Variants in EPHB2 observed in about 807,000 individuals in gnomAD.
EPHB2 encodes the protein EPH receptor B2, also known as ephrin type-B receptor 2.
Under a neutral mutation model 96.4 loss-of-function variants are expected in EPHB2, and 18 were observed. That is an observed-to-expected ratio of 0.19 (90% CI 0.13 to 0.28). The LOEUF (loss-of-function observed/expected upper bound fraction) is 0.28. Among genes scored for constraint, EPHB2 ranks in the 10% least tolerant of loss-of-function variants. The pLI, the probability that EPHB2 is intolerant of heterozygous loss-of-function variation, is 1.00. For synonymous variants in EPHB2, 506 were observed against 534.1 expected, an observed-to-expected ratio of 0.95 and a Z score of 0.72; for missense variants, 989 against 1,355.4, an observed-to-expected ratio of 0.73 and a Z score of 4.25.
At position 22,775,264 on chromosome 1, in the gene EPHB2, C is replaced by T. The variant is rs1242750227; in HGVS notation, c.62-6157C>T. On this transcript the variant is annotated intron_variant, in intron 1 of 15. Transcript: ENST00000374630. Reference sequence around the variant, plus strand: ...ATGCAGGTTGGTTCTCCTGTCTGGCCTCAGTTTCCTCGTCTGTGAAATGGG... The same window carrying T: ...ATGCAGGTTGGTTCTCCTGTCTGGCTTCAGTTTCCTCGTCTGTGAAATGGG... The T allele has an allele frequency of 3.8e-6, 3 of 779,670 alleles. No homozygotes were observed. In the African/African-American group the frequency reaches 5.1e-5, roughly 13 times the overall value. 48.3% of individuals were successfully genotyped at this position (779,670 alleles called of 1,614,324 possible).
chr1:22,779,054 C>T (rs542096053), intron 1 of EPHB2, among the ~76,000 whole-genome samples: 2 of 152,314 alleles, frequency 1.3e-5, no homozygotes, highest in East Asian at 3.9e-4. Context: ...CTGCCTTGTT[C>T]GACACAGCTC....
At chr1:22,752,701 TTTTTAATA>T (rs202230146) in intron 1 of EPHB2, among the ~76,000 whole-genome samples, 3,131 of 151,422 alleles carry the variant, frequency 0.021, 106 homozygotes, top group African/African-American at 0.071. Context: ...TGTAAATACA[TTTTTAATA>T]TTTTAATATT....
chr1:22,845,642 G>T (rs890976752), intron 3 of EPHB2, among the ~76,000 whole-genome samples: 30 of 152,156 alleles, frequency 2.0e-4, no homozygotes, highest in African/African-American at 7.0e-4. Flanking sequence ...TATAAGGGCT[G>T]AGATAAGAAT....
At chr1:22,901,033 G>A (rs926901188) in intron 9 of EPHB2, among the ~76,000 whole-genome samples, 1 of 152,186 alleles carries the variant, frequency 6.6e-6, no homozygotes, top group South Asian at 2.1e-4. Flanking sequence ...GGGTGACCTC[G>A]GGGAAGCCAT....
chr1:22,866,025 C>G (rs1447286397), intron 5 of EPHB2, among the ~76,000 whole-genome samples: 1 of 152,056 alleles, frequency 6.6e-6, no homozygotes. Flanking sequence ...CACTTGGGCT[C>G]CTAGCCTCCC....
At chr1:22,838,687 G>C (rs995756614) in intron 3 of EPHB2, among the ~76,000 whole-genome samples, 4 of 152,196 alleles carry the variant, frequency 2.6e-5, no homozygotes, top group African/African-American at 7.2e-5. Flanking sequence ...CCAGCACTTT[G>C]GGAGGCCGAG....
intron 5 of EPHB2, among the ~76,000 whole-genome samples, chr1:22,877,640 A>T (rs1638885915): frequency 6.6e-6 from 1 of 152,124 alleles, no homozygotes; most frequent in Non-Finnish European, 1.5e-5. Flanking sequence ...CAGGCAGGTG[A>T]GGGGGGCAGG....
Position 22,785,012 on chromosome 1 carries a change from G to A in EPHB2, c.747G>A (p.Val249=), listed in dbSNP as rs1163112603. The A allele has an allele frequency of 1.2e-6, 2 of 1,613,638 alleles. No individual in the cohort carries two copies. The highest frequency in any genetic ancestry group is 3.3e-5 in the Admixed American group (2 of 60,016). ...LYCNGDGEWL[V]PIGRCMCKAG... is the part of the protein sequence containing the mutation. Reference sequence around the variant, plus strand: ...GTAACGGGGACGGCGAGTGGCTGGTGCCCATCGGGCGCTGCATGTGCAAAG... The same window carrying A: ...GTAACGGGGACGGCGAGTGGCTGGTACCCATCGGGCGCTGCATGTGCAAAG... Residue 249 remains valine, a synonymous_variant, in exon 3 of 16, where the codon GTG becomes GTA. Transcript: ENST00000374630.
chr1:22,905,177 CCTT>C (rs1439400934), intron 9 of EPHB2, among the ~76,000 whole-genome samples: 1 of 152,124 alleles, frequency 6.6e-6, no homozygotes, highest in African/African-American at 2.4e-5. Context: ...ATCCAGGTTA[CCTT>C]CTTCTCTTAG....
At chr1:22,791,844 C>T (rs1644698462) in intron 3 of EPHB2, among the ~76,000 whole-genome samples, 1 of 152,096 alleles carries the variant, frequency 6.6e-6, no homozygotes, top group Non-Finnish European at 1.5e-5. Context: ...CTGATATTTG[C>T]GTAGGATACA....
intron 3 of EPHB2, among the ~76,000 whole-genome samples, chr1:22,857,920 T>C (rs1020564331): frequency 6.6e-6 from 1 of 152,172 alleles, no homozygotes; most frequent in Non-Finnish European, 1.5e-5. Flanking sequence ...TTCCAGGTAC[T>C]TTCAGTGCAT....
chr1:22,775,821 C>T (rs577193864), intron 1 of EPHB2, among the ~76,000 whole-genome samples: 8 of 152,296 alleles, frequency 5.3e-5, no homozygotes, highest in Admixed American at 4.6e-4. Context: ...GGCTGGTGGC[C>T]CTAGTTCCAG....
chr1:22,820,953 T>C (rs978581794), intron 3 of EPHB2, among the ~76,000 whole-genome samples: 2 of 152,232 alleles, frequency 1.3e-5, no homozygotes, highest in African/African-American at 4.8e-5. Context: ...GTTTGGATTA[T>C]GAGTAACAGA....
intron 1 of EPHB2, among the ~76,000 whole-genome samples, chr1:22,722,305 G>A (rs568320387): frequency 2.0e-5 from 3 of 152,140 alleles, no homozygotes; most frequent in Non-Finnish European, 4.4e-5. Flanking sequence ...TCTGAAAACT[G>A]GTTTTTGAAT....
chr1:22,796,414 G>A (rs1328098669), intron 3 of EPHB2, among the ~76,000 whole-genome samples: 2 of 152,196 alleles, frequency 1.3e-5, no homozygotes, highest in Non-Finnish European at 2.9e-5. Flanking sequence ...GTTGGTTTAA[G>A]TTACTGTTTT....
At chr1:22,806,504 CGGATGGAT>C (rs144315850) in intron 3 of EPHB2, among the ~76,000 whole-genome samples, 108,021 of 148,526 alleles carry the variant, frequency 0.73, 40,412 homozygotes, top group Non-Finnish European at 0.83. Flanking sequence ...GACGGACGGA[CGGATGGAT>C]GGATGGATGG....
chr1:22,823,328 A>C (rs12407525), intron 3 of EPHB2, among the ~76,000 whole-genome samples: 36,005 of 152,078 alleles, frequency 0.24, 4,704 homozygotes, highest in East Asian at 0.54. Flanking sequence ...CTCCTCTTCA[A>C]GTCTGTATTA....
intron 3 of EPHB2, among the ~76,000 whole-genome samples, chr1:22,851,618 T>C (rs1645626722): frequency 6.6e-6 from 1 of 152,188 alleles, no homozygotes; most frequent in Admixed American, 6.5e-5. Context: ...TTGTATTTTG[T>C]AGTCATAAAA....
rs118050687 is a variant in EPHB2, at chr1:22,872,672, G to A, written c.1303+7460G>A. Among the ~76,000 whole-genome samples the A allele has an allele frequency of 7.9e-4, 120 of 152,290 alleles. 3 individuals are homozygous for A. The East Asian group carries it at 0.021, about 26-fold the overall frequency. On this transcript the variant is annotated intron_variant, in intron 5 of 15. Transcript: ENST00000374630. ...ACAGCAGGTCCCCAGCATCCTGACC[G>A]GGTGTCTGTGACACCACTCCACATG... is the stretch of plus-strand genomic sequence containing the variant.
Sources: allele counts gnomAD v4.1 joint callset (sites outside exome capture counted in the v4.1 genomes callset), GRCh38; gene constraint gnomAD v4.1.1; transcripts MANE v1.5; gene names NCBI Gene and HGNC (gene_info 2026-07-23, HGNC 2026-07-21).